ENOPH1: variants seen among roughly 807,000 people sequenced by gnomAD.
ENOPH1 encodes enolase-phosphatase 1.
A neutral mutation model predicts 31.1 loss-of-function variants in ENOPH1; 14 were observed. The observed-to-expected ratio is 0.45, with a 90% CI of 0.30 to 0.70. ENOPH1 has a LOEUF of 0.70. ENOPH1 is among the 30% of genes least tolerant of loss of function. ENOPH1 has a pLI of 0.09. For missense variants in ENOPH1, 243 were observed against 321.5 expected, an observed-to-expected ratio of 0.76 and a Z score of 1.87; for synonymous variants, 127 against 123.2, an observed-to-expected ratio of 1.03 and a Z score of -0.21.
At chr4:82,454,684 G>A in intron 3 of ENOPH1, 38 bp from the exon 4 acceptor site, 1 of 1,599,930 alleles carries the variant, frequency 6.3e-7, no homozygotes. Context: ...GGCTAGATGA[G>A]GTGTTCCTGT....
At chr4:82,431,029 T>C (rs1721737292) in intron 1 of ENOPH1, 116 bp downstream of exon 1, 1 of 668,254 alleles carries the variant, frequency 1.5e-6, no homozygotes, top group African/African-American at 1.8e-5. Flanking sequence ...TGTGGCTGCC[T>C]CTTGTGTGGA....
At chr4:82,454,272 C>G (rs564179716) in intron 3 of ENOPH1, among the ~76,000 whole-genome samples, 6 of 152,158 alleles carry the variant, frequency 3.9e-5, no homozygotes, top group Non-Finnish European at 8.8e-5. Context: ...AGCCTTCAAA[C>G]TTTGTTTTGA....
intron 3 of ENOPH1, among the ~76,000 whole-genome samples, chr4:82,452,157 T>A (rs1722367963): frequency 6.6e-6 from 1 of 151,734 alleles, no homozygotes; most frequent in Admixed American, 6.6e-5. Context: ...TAGCTCACTG[T>A]AGCCTTCAAG....
rs1722506670 is a variant in ENOPH1, at chr4:82,456,987, A to G, written c.595A>G (p.Ser199Gly). Residue 199 changes from serine to glycine, a missense_variant, in exon 5 of 6, where the codon AGC becomes GGC. By Grantham distance (56) the Ser-to-Gly change is moderately conservative. Transcript: ENST00000273920. Reference sequence around the variant, plus strand: ...TGAAAGTTACCGAAAGATTGCAGACAGCATTGGGTGCTCAACCAACAACAT... The same window carrying G: ...TGAAAGTTACCGAAAGATTGCAGACGGCATTGGGTGCTCAACCAACAACAT... Reference protein sequence around the residue: ...ESESYRKIADSIGCSTNNILF... With the variant: ...ESESYRKIADGIGCSTNNILF... 1 of 1,614,018 alleles carries G rather than the reference A, an allele frequency of 6.2e-7. No homozygotes were observed. Among genetic ancestry groups the G allele is most frequent in the African/African-American group, 1.3e-5 (1 of 74,930 alleles).
chr4:82,440,392 C>T (rs564271190), intron 1 of ENOPH1, among the ~76,000 whole-genome samples: 81 of 152,232 alleles, frequency 5.3e-4, no homozygotes, highest in African/African-American at 1.7e-3. Context: ...GTCATTCACC[C>T]GTGAGAGCTG....
chr4:82,453,316 T>C (rs116058853), intron 3 of ENOPH1, among the ~76,000 whole-genome samples: 6,863 of 152,326 alleles, frequency 0.045, 517 homozygotes, highest in Admixed American at 0.2. Context: ...TGTTTCTTTA[T>C]TTATGTACTT....
rs1722621738 is a variant in ENOPH1 at position 82,460,601 on chromosome 4, T to TAATA, written c.*482_*483insATAA. On this transcript the variant is annotated 3_prime_UTR_variant, in exon 6 of 6. Coordinates refer to ENST00000273920, the MANE Select transcript of ENOPH1 (RefSeq NM_021204.5). ...GCTGTATTTCATATTTGCCTCCTTA[T>TAATA]ATATATCAAAGACCAAGGTATTTCC... The TAATA allele has an allele frequency of 6.6e-6, 1 of 152,446 alleles. No individual in the cohort carries two copies. Among genetic ancestry groups the TAATA allele is most frequent in the Non-Finnish European group, 1.5e-5 (1 of 68,212 alleles). 9.4% of individuals were successfully genotyped at this position (152,446 alleles called of 1,614,324 possible).
chr4:82,457,102 C>T, intron 5 of ENOPH1, 64 bp downstream of exon 5: 1 of 1,442,086 alleles, frequency 6.9e-7, no homozygotes, highest in South Asian at 1.5e-5. Context: ...ACTACAAATA[C>T]ATTGCCTCTT....
intron 1 of ENOPH1, among the ~76,000 whole-genome samples, chr4:82,440,617 C>G (rs1459499758): frequency 6.6e-6 from 1 of 152,194 alleles, no homozygotes; most frequent in Non-Finnish European, 1.5e-5. Context: ...AGTTCCCTTT[C>G]TGGAACTCAT....
Position 82,456,973 on chromosome 4 carries a change from G to A in ENOPH1, c.581G>A (p.Arg194Gln), listed in dbSNP as rs759534376. The change falls in exon 5 of 6, where the codon CGA becomes CAA. Residue 194 changes from arginine (R) to glutamine (Q), a missense_variant. By Grantham distance (43) the Arg-to-Gln change is conservative. Coordinates refer to ENST00000273920, the MANE Select transcript of ENOPH1 (RefSeq NM_021204.5). The part of the protein sequence containing the change: ...IGHKVESESY[R>Q]KIADSIGCST... ...CACAAAGTAGAGAGTGAAAGTTACC[G>A]AAAGATTGCAGACAGCATTGGGTGC... is the stretch of plus-strand genomic sequence containing the variant. 6.2e-6 allele frequency: 10 copies of A among 1,613,930 alleles called. No individual in the cohort carries two copies. Among genetic ancestry groups the A allele is most frequent in the South Asian group, 3.3e-5 (3 of 91,068 alleles).
chr4:82,451,174 G>T lies in ENOPH1; in HGVS notation c.318G>T (p.Lys106Asn), dbSNP rs763886025. 6.2e-7 allele frequency: 1 copy of T among 1,614,228 alleles called. No individual in the cohort carries two copies. Among genetic ancestry groups the T allele is most frequent in the South Asian group, 1.1e-5 (1 of 91,082 alleles). The change falls in exon 3 of 6, where the codon AAG (lysine) becomes AAT (asparagine). Residue 106 changes from lysine to asparagine, a missense_variant. Physicochemically the swap from Lys to Asn is moderately conservative, Grantham distance 94. Coordinates refer to ENST00000273920, the MANE Select transcript of ENOPH1 (RefSeq NM_021204.5). ...GCTGGCAGATGTCCCTGGATCGAAA[G>T]ACCACTGCACTCAAACAGCTGCAGG... ...NVCWQMSLDRKTTALKQLQGH... is the reference protein window; with the variant it reads ...NVCWQMSLDRNTTALKQLQGH...
At chr4:82,457,174 AAC>A in intron 5 of ENOPH1, 136 bp downstream of exon 5, 1 of 861,154 alleles carries the variant, frequency 1.2e-6, no homozygotes. Context: ...TATATAAAGA[AAC>A]AGTGTCTGGT....
rs368378614 is a variant in ENOPH1 at position 82,452,775 on chromosome 4, C to T, written c.389+1530C>T. Among the ~76,000 whole-genome samples the T allele has an allele frequency of 4.2e-4, 64 of 151,330 alleles. No individual in the cohort carries two copies. In the East Asian group the frequency reaches 0.01, roughly 24 times the overall value. Reference sequence around the variant, plus strand: ...CTAATTTTTTGTATTTTAGTAGAGACAGGGTTTTATCATGTTGTCCAGGCT... The same window carrying T: ...CTAATTTTTTGTATTTTAGTAGAGATAGGGTTTTATCATGTTGTCCAGGCT... On this transcript the variant is annotated intron_variant, in intron 3 of 5. Transcript: ENST00000273920.
At chr4:82,458,726 C>T (rs1014271475) in intron 5 of ENOPH1, among the ~76,000 whole-genome samples, 3 of 152,122 alleles carry the variant, frequency 2.0e-5, no homozygotes, top group Non-Finnish European at 4.4e-5. Flanking sequence ...TTGCCAGTCA[C>T]GATGAAAACT....
chr4:82,456,973 G>T lies in ENOPH1; in HGVS notation c.581G>T (p.Arg194Leu). 3 of 1,614,048 alleles carry T rather than the reference G, an allele frequency of 1.9e-6. No individual in the cohort carries two copies. Among genetic ancestry groups the T allele is most frequent in the Non-Finnish European group, 2.5e-6 (3 of 1,179,990 alleles). ...IGHKVESESY[R>L]KIADSIGCST... Reference sequence around the variant, plus strand: ...CACAAAGTAGAGAGTGAAAGTTACCGAAAGATTGCAGACAGCATTGGGTGC... The same window carrying T: ...CACAAAGTAGAGAGTGAAAGTTACCTAAAGATTGCAGACAGCATTGGGTGC... Residue 194 changes from arginine (R) to leucine (L), a missense_variant, in exon 5 of 6, where the codon CGA becomes CTA. By Grantham distance (102) the Arg-to-Leu change is moderately radical. Transcript: ENST00000273920.
In ENOPH1 at chr4:82,436,164, G is replaced by A. The variant is rs551070935; in HGVS notation, c.84+5251G>A. Among the ~76,000 whole-genome samples the A allele has an allele frequency of 3.6e-4, 55 of 152,252 alleles. 1 individual carries two copies. The highest frequency in any genetic ancestry group is 1.1e-3 in the African/African-American group (46 of 41,552). On this transcript the variant is annotated intron_variant, in intron 1 of 5. Coordinates refer to ENST00000273920, the MANE Select transcript of ENOPH1 (RefSeq NM_021204.5). The stretch of plus-strand genomic sequence containing the variant: ...CCCAGAAATATGTTAAAAATAAGAC[G>A]CAGGATATTGTTGATCTCTAAGAAT...
At chr4:82,451,681 T>C (rs1722356329) in intron 3 of ENOPH1, among the ~76,000 whole-genome samples, 1 of 152,200 alleles carries the variant, frequency 6.6e-6, no homozygotes, top group African/African-American at 2.4e-5. Context: ...CACTACCACG[T>C]TCTTCTTTGC....
intron 1 of ENOPH1, among the ~76,000 whole-genome samples, chr4:82,445,854 G>C (rs1722161401): frequency 6.6e-6 from 1 of 152,210 alleles, no homozygotes; most frequent in Non-Finnish European, 1.5e-5. Flanking sequence ...GGGCATATTG[G>C]ATGATCAGGA....
At chr4:82,448,313 G>T (rs545976291) in intron 2 of ENOPH1, among the ~76,000 whole-genome samples, 6 of 151,340 alleles carry the variant, frequency 4.0e-5, no homozygotes, top group Non-Finnish European at 8.8e-5. Flanking sequence ...CCAGGCTGGA[G>T]TGTGGTGGTG....
Sources: gnomAD v4.1 joint callset for allele counts (sites outside exome capture counted in the v4.1 genomes callset) on GRCh38, gnomAD v4.1.1 for gene constraint, MANE v1.5 for transcripts, NCBI Gene and HGNC (gene_info 2026-07-23, HGNC 2026-07-21) for gene names.